The following GALNT17 variants were observed in gnomAD, a reference collection of about 807,000 sequenced individuals.
The protein encoded by GALNT17 is UDP-GalNAc:polypeptide N-acetylgalactosaminyltransferase-like 3.
Under a neutral mutation model 63.7 loss-of-function variants are expected in GALNT17, and 29 were observed. The ratio of observed to expected loss-of-function variants is 0.46; its 90% confidence interval spans 0.34 to 0.62. GALNT17 has a LOEUF of 0.62. GALNT17 is among the 20% of genes least tolerant of loss of function. GALNT17 has a pLI of 0.01. For missense variants in GALNT17, 603 were observed against 799.6 expected (o/e 0.75, Z 2.97); for synonymous variants, 305 against 318.3 (o/e 0.96, Z 0.45).
chr7:71,691,087 G>A (rs555957179), intron 9 of GALNT17, among the ~76,000 whole-genome samples: 2 of 152,272 alleles, frequency 1.3e-5, no homozygotes, highest in South Asian at 2.1e-4. Context: ...ATGCTACAGC[G>A]AAATATTTCA....
intron 1 of GALNT17, among the ~76,000 whole-genome samples, chr7:71,289,979 A>G (rs1362107438): frequency 6.6e-6 from 1 of 152,122 alleles, no homozygotes; most frequent in Non-Finnish European, 1.5e-5. Flanking sequence ...CGTGAGGCGG[A>G]GGTTGCAGTG....
In GALNT17 at chr7:71,489,231, T is replaced by G. The variant is rs114703146; in HGVS notation, c.962+68126T>G. 1.4e-3 allele frequency among the ~76,000 whole-genome samples: 209 copies of G among 152,268 alleles called. 1 individual carries two copies. Among genetic ancestry groups the G allele is most frequent in the African/African-American group, 4.6e-3 (190 of 41,556 alleles). ...TAATCAAATTCTCAAGTAGTGCAGA[T>G]ACTGTGGCTCTAGGGGCCACACTCT... On this transcript the variant is annotated intron_variant, in intron 5 of 10. Coordinates refer to ENST00000333538, the MANE Select transcript of GALNT17 (RefSeq NM_022479.3).
chr7:71,179,074 T>C (rs566234881), intron 1 of GALNT17, among the ~76,000 whole-genome samples: 1 of 152,208 alleles, frequency 6.6e-6, no homozygotes, highest in Non-Finnish European at 1.5e-5. Flanking sequence ...GGCTAGCTAA[T>C]GTGAAAGGAA....
At chr7:71,286,502 A>G (rs1342076114) in intron 1 of GALNT17, among the ~76,000 whole-genome samples, 1 of 152,022 alleles carries the variant, frequency 6.6e-6, no homozygotes, top group Non-Finnish European at 1.5e-5. Flanking sequence ...CAGGGCCAGT[A>G]TTATTCCCGT....
At chr7:71,300,598 G>A (rs145754667) in intron 1 of GALNT17, 7 of 315,484 alleles carry the variant, frequency 2.2e-5, no homozygotes, top group Non-Finnish European at 4.5e-5. Context: ...ATGCATGCGC[G>A]TGCACATACA....
chr7:71,365,018 C>T (rs1032150615), intron 2 of GALNT17, among the ~76,000 whole-genome samples: 2 of 152,070 alleles, frequency 1.3e-5, no homozygotes, highest in Admixed American at 1.3e-4. Flanking sequence ...GCAACCTCTG[C>T]CTCCTGGGTT....
chr7:71,396,040 A>T (rs1317944058), intron 3 of GALNT17, among the ~76,000 whole-genome samples: 4 of 152,138 alleles, frequency 2.6e-5, no homozygotes, highest in African/African-American at 9.7e-5. Flanking sequence ...TATGCTTGCA[A>T]ATATTTTCTC....
chr7:71,557,681 C>G (rs1789187233), intron 5 of GALNT17, among the ~76,000 whole-genome samples: 1 of 152,132 alleles, frequency 6.6e-6, no homozygotes, highest in Non-Finnish European at 1.5e-5. Context: ...ATCCCAGATA[C>G]TCGGGAGGCT....
At chr7:71,457,332 G>A (rs184717653) in intron 5 of GALNT17, among the ~76,000 whole-genome samples, 2 of 152,262 alleles carry the variant, frequency 1.3e-5, no homozygotes, top group Non-Finnish European at 2.9e-5. Flanking sequence ...AGTTCCCAGC[G>A]TGACTTTTCC....
intron 2 of GALNT17, among the ~76,000 whole-genome samples, chr7:71,380,888 G>A (rs965403756): frequency 6.6e-6 from 1 of 152,028 alleles, no homozygotes; most frequent in African/African-American, 2.4e-5. Context: ...CACCCAGAGA[G>A]CTTGATAAGG....
chr7:71,180,621 G>C (rs751416743), intron 1 of GALNT17, among the ~76,000 whole-genome samples: 1 of 152,140 alleles, frequency 6.6e-6, no homozygotes, highest in Admixed American at 6.5e-5. Context: ...TGAGGTGGAC[G>C]TATTAAATGG....
intron 1 of GALNT17, among the ~76,000 whole-genome samples, chr7:71,217,342 G>T (rs1345774422): frequency 2.6e-5 from 4 of 151,252 alleles, no homozygotes; most frequent in Non-Finnish European, 5.9e-5. Flanking sequence ...GTATATTGTT[G>T]CACTTGCATT....
At chr7:71,640,029 C>T (rs1173671663) in intron 6 of GALNT17, among the ~76,000 whole-genome samples, 3 of 152,120 alleles carry the variant, frequency 2.0e-5, no homozygotes, top group Non-Finnish European at 4.4e-5. Flanking sequence ...AAAAAAACAA[C>T]GTTCATCTTA....
chr7:71,502,521 A>G (rs951020492), intron 5 of GALNT17, among the ~76,000 whole-genome samples: 1 of 152,204 alleles, frequency 6.6e-6, no homozygotes, highest in Non-Finnish European at 1.5e-5. Context: ...CTCTCCCTCC[A>G]TGCATCTTGG....
chr7:71,355,968 T>C (rs1583884861), intron 2 of GALNT17, among the ~76,000 whole-genome samples: 1 of 152,116 alleles, frequency 6.6e-6, no homozygotes, highest in Admixed American at 6.5e-5. Flanking sequence ...ACTTTGTATA[T>C]ACGGAGTCTG....
chr7:71,459,370 T>A (rs1183122371), intron 5 of GALNT17, among the ~76,000 whole-genome samples: 1 of 152,256 alleles, frequency 6.6e-6, no homozygotes, highest in Non-Finnish European at 1.5e-5. Context: ...TGGCTGAGAC[T>A]CAGTTATTTG....
At chr7:71,477,941 G>C (rs1290559871) in intron 5 of GALNT17, among the ~76,000 whole-genome samples, 2 of 152,024 alleles carry the variant, frequency 1.3e-5, no homozygotes, top group Non-Finnish European at 2.9e-5. Flanking sequence ...CATTAAACAG[G>C]ATACAATAAA....
intron 5 of GALNT17, among the ~76,000 whole-genome samples, chr7:71,559,806 G>A (rs1789222551): frequency 1.3e-5 from 2 of 151,894 alleles, no homozygotes; most frequent in African/African-American, 4.8e-5. Context: ...GCTGCAGTGA[G>A]CCGAGATTGC....
chr7:71,278,436 A>G (rs1790720127), intron 1 of GALNT17, among the ~76,000 whole-genome samples: 1 of 152,230 alleles, frequency 6.6e-6, no homozygotes, highest in Non-Finnish European at 1.5e-5. Flanking sequence ...TGATACAGCT[A>G]CAAGCTAGAC....
Sources: allele counts gnomAD v4.1 joint callset (sites outside exome capture counted in the v4.1 genomes callset), GRCh38; gene constraint gnomAD v4.1.1; transcripts MANE v1.5; gene names NCBI Gene and HGNC (gene_info 2026-07-23, HGNC 2026-07-21).